CNIH1: variants seen among roughly 807,000 people sequenced by gnomAD.
CNIH1 encodes the protein cornichon family member 1.
CNIH1 carries 12 observed loss-of-function variants against 20.2 expected under a neutral mutation model. That is an observed-to-expected ratio of 0.59 (90% CI 0.38 to 0.96). The LOEUF (loss-of-function observed/expected upper bound fraction) is 0.96, where lower values mean the gene tolerates loss of function less well. Among genes scored for constraint, CNIH1 ranks in the 40% least tolerant of loss-of-function variants. CNIH1 has a pLI of 0.00. For synonymous variants in CNIH1, 69 were observed against 63.3 expected (o/e 1.09, Z -0.43); for missense variants, 152 against 178.8 (o/e 0.85, Z 0.85).
intron 2 of CNIH1, among the ~76,000 whole-genome samples, chr14:54,433,742 T>G (rs1448717400): frequency 6.6e-6 from 1 of 152,136 alleles, no homozygotes; most frequent in Non-Finnish European, 1.5e-5. Flanking sequence ...CAAATCCTCA[T>G]GCAAGGTTTT....
rs1453264275 is a variant in CNIH1 at position 54,436,388 on chromosome 14, T to C, written c.131A>G (p.Gln44Arg). ...LKTDYKNPIDQCNTLNPLVLP... is the reference protein window; with the variant it reads ...LKTDYKNPIDRCNTLNPLVLP... ...ACTTACGGGATTCAGGGTATTACAC[T>C]GGTCTATAGGATTCTTGTAATCAGT... Residue 44 changes from glutamine to arginine, a missense_variant, in exon 2 of 5, where the codon CAG (glutamine) becomes CGG (arginine). Around this residue, in one of 3 missense-constraint regions of CNIH1, gnomAD observed 97 missense variants for 100.6 expected, o/e 0.96. Coordinates refer to ENST00000216416, the MANE Select transcript of CNIH1 (RefSeq NM_005776.3). 2.6e-6 allele frequency: 4 copies of C among 1,557,306 alleles called. No homozygotes were observed. The highest frequency in any genetic ancestry group is 3.5e-6 in the Non-Finnish European group (4 of 1,129,838).
intron 1 of CNIH1, among the ~76,000 whole-genome samples, chr14:54,439,552 C>CTTTT (rs534454023): frequency 1.4e-5 from 2 of 146,824 alleles, no homozygotes; most frequent in African/African-American, 5.0e-5. Context: ...TTCTTTCTTT[C>CTTTT]TTTTTTTTTG....
At chr14:54,433,326 T>G (rs1007034080) in intron 2 of CNIH1, among the ~76,000 whole-genome samples, 2 of 152,178 alleles carry the variant, frequency 1.3e-5, no homozygotes, top group Non-Finnish European at 2.9e-5. Flanking sequence ...CTCAGACCCA[T>G]TTTCTCATAC....
At chr14:54,439,807 C>T (rs1388303248) in intron 1 of CNIH1, among the ~76,000 whole-genome samples, 1 of 152,110 alleles carries the variant, frequency 6.6e-6, no homozygotes, top group Non-Finnish European at 1.5e-5. Context: ...GCCTCGGCCT[C>T]CCAAAGTGCT....
intron 4 of CNIH1, among the ~76,000 whole-genome samples, chr14:54,429,357 A>G (rs554917050): frequency 6.6e-6 from 1 of 152,310 alleles, no homozygotes; most frequent in South Asian, 2.1e-4. Flanking sequence ...GTCCCATGAT[A>G]TACAGGACAG....
chr14:54,427,599 G>A lies in CNIH1; in HGVS notation c.*215C>T, dbSNP rs987086732. 1.8e-5 allele frequency: 10 copies of A among 555,666 alleles called. No homozygotes were observed. The highest frequency in any genetic ancestry group is 8.8e-5 in the East Asian group (3 of 34,208). The allele number at this position is 555,666 out of a possible 1,614,324, so 34.4% of individuals were successfully genotyped here. A position where few individuals can be genotyped will look rare whatever the true frequency, so the allele number is the denominator to read the frequency against. On this transcript the variant is annotated 3_prime_UTR_variant, in exon 5 of 5. Transcript: ENST00000216416. ...GTAATCATTTTATATTAATTTATACGTAATACCATTTAAAATCTTTATCTG... is the reference window on the plus strand; with the variant it reads ...GTAATCATTTTATATTAATTTATACATAATACCATTTAAAATCTTTATCTG...
chr14:54,428,160 A>C (rs1047739149), intron 4 of CNIH1, among the ~76,000 whole-genome samples: 2 of 152,144 alleles, frequency 1.3e-5, no homozygotes, highest in African/African-American at 4.8e-5. Flanking sequence ...TAATAATAGA[A>C]TGAGTATCTC....
Position 54,427,619 on chromosome 14 carries a change from T to G in CNIH1, c.*195A>C, listed in dbSNP as rs192912423. On this transcript the variant is annotated 3_prime_UTR_variant, in exon 5 of 5. Coordinates refer to ENST00000216416, the MANE Select transcript of CNIH1 (RefSeq NM_005776.3). Reference sequence around the variant, plus strand: ...TATACGTAATACCATTTAAAATCTTTATCTGAGTATAACATATGAAAACAG... The same window carrying G: ...TATACGTAATACCATTTAAAATCTTGATCTGAGTATAACATATGAAAACAG... 606 of 582,092 alleles carry G rather than the reference T, an allele frequency of 1.0e-3. 4 individuals carry two copies. The highest frequency in any genetic ancestry group is 0.01 in the African/African-American group (555 of 53,666). 36.1% of individuals were successfully genotyped at this position (582,092 alleles called of 1,614,324 possible). A position where few individuals can be genotyped will look rare whatever the true frequency, so the allele number is the denominator to read the frequency against.
intron 3 of CNIH1, among the ~76,000 whole-genome samples, chr14:54,431,506 G>A (rs980519642): frequency 1.3e-5 from 2 of 152,244 alleles, no homozygotes; most frequent in African/African-American, 4.8e-5. Context: ...TTCAGTATAT[G>A]TCTCCTAAAA....
intron 1 of CNIH1, among the ~76,000 whole-genome samples, chr14:54,440,177 G>A (rs752708250): frequency 2.6e-5 from 4 of 152,082 alleles, no homozygotes; most frequent in African/African-American, 9.7e-5. Flanking sequence ...CTGCCCCTCC[G>A]TATGTTTCAT....
chr14:54,428,749 A>G (rs1325162053), intron 4 of CNIH1, among the ~76,000 whole-genome samples: 1 of 152,254 alleles, frequency 6.6e-6, no homozygotes, highest in Non-Finnish European at 1.5e-5. Flanking sequence ...ATAGAATTTC[A>G]CTTTTCAGAG....
At chr14:54,441,042 C>A (rs1008159284) in intron 1 of CNIH1, among the ~76,000 whole-genome samples, 1 of 151,794 alleles carries the variant, frequency 6.6e-6, no homozygotes. Flanking sequence ...GCCGAGGCAA[C>A]GCGGGCGCGT....
intron 2 of CNIH1, among the ~76,000 whole-genome samples, chr14:54,435,813 C>A (rs554043022): frequency 6.6e-6 from 1 of 152,188 alleles, no homozygotes; most frequent in African/African-American, 2.4e-5. Flanking sequence ...TTTATGTTAA[C>A]CAACTTTCAA....
chr14:54,427,880 A>C (rs2030857922), intron 4 of CNIH1, 39 bp from the exon 5 acceptor site: 5 of 1,596,248 alleles, frequency 3.1e-6, no homozygotes, highest in African/African-American at 2.7e-5. Context: ...GAACATTACT[A>C]ATTATTAAAA....
At chr14:54,436,787 TA>T (rs748080549) in intron 1 of CNIH1, 798 of 376,522 alleles carry the variant, frequency 2.1e-3, no homozygotes, top group Admixed American at 5.6e-3. Context: ...CTCTTTATCC[TA>T]AAAAAAAAAC....
In CNIH1 at chr14:54,424,550, A is replaced by G; in HGVS notation, c.*3264T>C. ...AAGTCATTATTTGCACTATGGCAAT[A>G]TTCCACGAACTCTATTCATAAACAT... On this transcript the variant is annotated 3_prime_UTR_variant, in exon 5 of 5. Transcript: ENST00000216416. 6.6e-6 allele frequency: 1 copy of G among 152,256 alleles called. No individual in the cohort carries two copies. The highest frequency in any genetic ancestry group is 1.5e-5 in the Non-Finnish European group (1 of 68,042). The allele number at this position is 152,256 out of a possible 1,614,324, so 9.4% of individuals were successfully genotyped here.
rs1476314483 is a variant in CNIH1 at position 54,426,781 on chromosome 14, A to T, written c.*1033T>A. On this transcript the variant is annotated 3_prime_UTR_variant, in exon 5 of 5. Transcript: ENST00000216416. ...AGGTTAATGTGCTCGGCATTTAAAA[A>T]TTTTCCTTTTTAGATCTAGGCATGG... 6.6e-6 allele frequency: 1 copy of T among 152,196 alleles called. No individual in the cohort carries two copies. The highest frequency in any genetic ancestry group is 2.4e-5 in the African/African-American group (1 of 41,452). The allele number at this position is 152,196 out of a possible 1,614,324, so 9.4% of individuals were successfully genotyped here.
rs1443273940 is a variant in CNIH1 at position 54,424,996 on chromosome 14, T to C, written c.*2818A>G. 1 of 152,198 alleles carries C rather than the reference T, an allele frequency of 6.6e-6. No individual in the cohort carries two copies. The highest frequency in any genetic ancestry group is 2.1e-4 in the South Asian group (1 of 4,834). The allele number at this position is 152,198 out of a possible 1,614,324, so 9.4% of individuals were successfully genotyped here. On this transcript the variant is annotated 3_prime_UTR_variant, in exon 5 of 5. Transcript: ENST00000216416. ...TTCAAACAAATTAGCAGTTTGTCCA[T>C]AGCCTGGGACCAAACCCTCCTCTAC...
At chr14:54,428,808 T>C (rs2030876616) in intron 4 of CNIH1, among the ~76,000 whole-genome samples, 1 of 152,226 alleles carries the variant, frequency 6.6e-6, no homozygotes, top group Non-Finnish European at 1.5e-5. Flanking sequence ...CACTAAAGGA[T>C]ACTCATTTTC....
Sources: gnomAD v4.1 joint callset for allele counts (sites outside exome capture counted in the v4.1 genomes callset) on GRCh38, gnomAD v4.1.1 for gene constraint, gnomAD v4.1.1 regional missense constraint, MANE v1.5 for transcripts, NCBI Gene and HGNC (gene_info 2026-07-23, HGNC 2026-07-21) for gene names.